The following NELL1 variants were observed in gnomAD, a reference collection of about 807,000 sequenced individuals.
NELL1 encodes neural EGFL like 1.
In NELL1, 76 loss-of-function variants were observed where a neutral mutation model predicts 107.4. The observed-to-expected ratio is 0.71, with a 90% CI of 0.59 to 0.86. NELL1 has a LOEUF of 0.86. Among genes scored for constraint, NELL1 ranks in the 40% least tolerant of loss-of-function variants. NELL1 has a pLI of 0.00. For synonymous variants in NELL1, 353 were observed against 341.2 expected (o/e 1.03, Z -0.38); for missense variants, 1,024 against 1,005.5 (o/e 1.02, Z -0.25).
At chr11:21,055,421 C>T (rs7951965) in intron 12 of NELL1, among the ~76,000 whole-genome samples, 37,458 of 151,942 alleles carry the variant, frequency 0.25, 6,030 homozygotes, top group African/African-American at 0.45. Flanking sequence ...AGAGTGCTAA[C>T]GCTTTTATGT....
At chr11:20,801,414 A>T (rs1338593873) in intron 3 of NELL1, among the ~76,000 whole-genome samples, 1 of 152,186 alleles carries the variant, frequency 6.6e-6, no homozygotes, top group Non-Finnish European at 1.5e-5. Context: ...CCATTTTTAA[A>T]TCAAATTATT....
chr11:21,156,814 C>T (rs1353566635), intron 13 of NELL1, among the ~76,000 whole-genome samples: 1 of 151,802 alleles, frequency 6.6e-6, no homozygotes, highest in Non-Finnish European at 1.5e-5. Flanking sequence ...CAAATTAGGC[C>T]AGATGCGGTG....
chr11:21,370,745 T>C, intron 14 of NELL1, 108 bp from the exon 15 acceptor site: 1 of 765,738 alleles, frequency 1.3e-6, no homozygotes, highest in South Asian at 1.5e-5. Flanking sequence ...AATACAGATG[T>C]GTATTCCCTA....
chr11:20,831,234 C>T (rs1175355993), intron 3 of NELL1, among the ~76,000 whole-genome samples: 2 of 152,150 alleles, frequency 1.3e-5, no homozygotes, highest in Non-Finnish European at 2.9e-5. Flanking sequence ...CCTTGCTGCT[C>T]ATGGTGTGGC....
intron 11 of NELL1, among the ~76,000 whole-genome samples, chr11:20,955,256 C>T (rs767460615): frequency 6.6e-6 from 1 of 152,170 alleles, no homozygotes; most frequent in East Asian, 1.9e-4. Flanking sequence ...TAGACTCTTG[C>T]TCTGATTTTT....
intron 15 of NELL1, among the ~76,000 whole-genome samples, chr11:21,426,384 G>GA (rs1339457281): frequency 6.6e-6 from 1 of 152,146 alleles, no homozygotes; most frequent in Non-Finnish European, 1.5e-5. Flanking sequence ...AATTCTGGCT[G>GA]AAAAATGAAT....
At chr11:21,055,138 T>G (rs1490550169) in intron 12 of NELL1, among the ~76,000 whole-genome samples, 2 of 152,070 alleles carry the variant, frequency 1.3e-5, no homozygotes, top group African/African-American at 4.8e-5. Context: ...AATCCTAATT[T>G]TATTGCTAAT....
intron 14 of NELL1, among the ~76,000 whole-genome samples, chr11:21,258,683 CA>C (rs1296957198): frequency 1.3e-5 from 2 of 151,802 alleles, no homozygotes; most frequent in Non-Finnish European, 2.9e-5. Flanking sequence ...TTATTCTCAT[CA>C]AAAAAACACG....
At chr11:21,323,188 G>T (rs977187097) in intron 14 of NELL1, among the ~76,000 whole-genome samples, 1 of 152,154 alleles carries the variant, frequency 6.6e-6, no homozygotes, top group African/African-American at 2.4e-5. Flanking sequence ...ACTTGATGGA[G>T]AAATTATTGT....
chr11:21,499,377 T>A (rs1048584281), intron 15 of NELL1, among the ~76,000 whole-genome samples: 19 of 152,122 alleles, frequency 1.2e-4, no homozygotes, highest in African/African-American at 4.3e-4. Flanking sequence ...ATATGCCTAT[T>A]TTTCAGATTT....
intron 2 of NELL1, among the ~76,000 whole-genome samples, chr11:20,766,207 C>G (rs938215055): frequency 6.6e-6 from 1 of 152,226 alleles, no homozygotes; most frequent in Non-Finnish European, 1.5e-5. Context: ...AGCCCAAACA[C>G]TGGGCTGGAT....
In NELL1 at chr11:21,575,648, G is replaced by T. The variant is rs1381922174; in HGVS notation, c.*626G>T. ...GGGAAGGGCCAAAAACATAATCAAA[G>T]AATAATTTTAAAGAGAATTCTTGTC... is the stretch of plus-strand genomic sequence containing the variant. On this transcript the variant is annotated 3_prime_UTR_variant, in exon 20 of 20. Coordinates refer to ENST00000357134, the MANE Select transcript of NELL1 (RefSeq NM_006157.5). 6.6e-6 allele frequency: 1 copy of T among 151,618 alleles called. No individual in the cohort carries two copies. Among genetic ancestry groups the T allele is most frequent in the Admixed American group, 6.6e-5 (1 of 15,190 alleles). 9.4% of individuals were successfully genotyped at this position (151,618 alleles called of 1,614,324 possible). A position where few individuals can be genotyped will look rare whatever the true frequency, so the allele number is the denominator to read the frequency against.
At chr11:21,113,844 C>A in intron 13 of NELL1, 130 bp downstream of exon 13, 1 of 904,324 alleles carries the variant, frequency 1.1e-6, no homozygotes, top group Non-Finnish European at 1.6e-6. Context: ...TATTACTTCA[C>A]CCCACCTTTT....
At chr11:21,200,422 G>A (rs983244242) in intron 13 of NELL1, among the ~76,000 whole-genome samples, 2 of 151,948 alleles carry the variant, frequency 1.3e-5, no homozygotes, top group African/African-American at 2.4e-5. Flanking sequence ...TTTCATGTTT[G>A]TTGGCCACAT....
chr11:20,806,141 A>G (rs78328800), intron 3 of NELL1, among the ~76,000 whole-genome samples: 1 of 96,998 alleles, frequency 1.0e-5, no homozygotes, highest in Admixed American at 1.0e-4. Flanking sequence ...TTTTTTTTTT[A>G]TCAGATTGAA....
chr11:21,188,264 G>A (rs1321412992), intron 13 of NELL1, among the ~76,000 whole-genome samples: 1 of 151,844 alleles, frequency 6.6e-6, no homozygotes, highest in East Asian at 1.9e-4. Context: ...CAGTCACTGT[G>A]CCTGGGGCTG....
chr11:21,474,729 AT>A (rs71443789), intron 15 of NELL1, among the ~76,000 whole-genome samples: 8,078 of 152,172 alleles, frequency 0.053, 287 homozygotes, highest in Non-Finnish European at 0.081. Context: ...CTCTGTTATA[AT>A]TAGGTATTTG....
At chr11:20,959,177 G>A (rs1851239439) in intron 11 of NELL1, among the ~76,000 whole-genome samples, 1 of 152,182 alleles carries the variant, frequency 6.6e-6, no homozygotes, top group Admixed American at 6.5e-5. Flanking sequence ...ATGGATGTTG[G>A]CGTGGATGTG....
chr11:21,415,353 T>G (rs1852489637), intron 15 of NELL1, among the ~76,000 whole-genome samples: 1 of 152,102 alleles, frequency 6.6e-6, no homozygotes, highest in Non-Finnish European at 1.5e-5. Context: ...ACTAGTGATT[T>G]AGGCAGGGTA....
Sources: allele counts gnomAD v4.1 joint callset (sites outside exome capture counted in the v4.1 genomes callset), GRCh38; gene constraint gnomAD v4.1.1; transcripts MANE v1.5; gene names NCBI Gene and HGNC (gene_info 2026-07-23, HGNC 2026-07-21).